The following AGBL1 variants were observed in gnomAD, a reference collection of about 807,000 sequenced individuals.
AGBL1 encodes the protein AGBL carboxypeptidase 1.
Under a neutral mutation model 118.9 loss-of-function variants are expected in AGBL1, and 130 were observed. That is an observed-to-expected ratio of 1.09 (90% confidence interval 0.95 to 1.26). The LOEUF (loss-of-function observed/expected upper bound fraction) is 1.26, where lower values mean the gene tolerates loss of function less well. AGBL1 is among the 50% of genes most tolerant of loss of function. The pLI, the probability that AGBL1 is intolerant of heterozygous loss-of-function variation, is 0.00. For synonymous variants in AGBL1, 555 were observed against 478.9 expected (o/e 1.16, Z -2.08); for missense variants, 1,584 against 1,298.1 (o/e 1.22, Z -3.38).
At chr15:86,976,140 TTTA>T (rs529508232) in intron 23 of AGBL1, among the ~76,000 whole-genome samples, 224 of 151,332 alleles carry the variant, frequency 1.5e-3, no homozygotes, top group African/African-American at 5.1e-3. Context: ...GGCTAAATCA[TTTA>T]TTATATTTTT....
intron 23 of AGBL1, among the ~76,000 whole-genome samples, chr15:86,925,920 C>T (rs55968056): frequency 0.039 from 5,940 of 151,638 alleles, 157 homozygotes; most frequent in Middle Eastern, 0.071. Flanking sequence ...TTAATAGAGA[C>T]GGGGTTTCAC....
At chr15:86,710,143 A>G (rs1363686288) in intron 22 of AGBL1, among the ~76,000 whole-genome samples, 1 of 149,098 alleles carries the variant, frequency 6.7e-6, no homozygotes, top group African/African-American at 2.5e-5. Context: ...CGCACTCATC[A>G]TCCCTTACAG....
chr15:86,816,814 T>C (rs1249299395), intron 22 of AGBL1, among the ~76,000 whole-genome samples: 1 of 152,168 alleles, frequency 6.6e-6, no homozygotes, highest in Non-Finnish European at 1.5e-5. Flanking sequence ...TTGAAAATAC[T>C]CCCTAGCTTA....
chr15:86,346,645 G>T (rs1228808603), intron 17 of AGBL1, among the ~76,000 whole-genome samples: 1 of 152,098 alleles, frequency 6.6e-6, no homozygotes, highest in East Asian at 1.9e-4. Context: ...CACCACGCCC[G>T]GCCAAGCTCA....
At chr15:86,877,744 G>A (rs1393014833) in intron 22 of AGBL1, among the ~76,000 whole-genome samples, 2 of 152,116 alleles carry the variant, frequency 1.3e-5, no homozygotes, top group African/African-American at 4.8e-5. Flanking sequence ...GACACTTACT[G>A]CTCCATAATT....
chr15:86,436,174 C>T (rs974177088), intron 18 of AGBL1, among the ~76,000 whole-genome samples: 8 of 145,444 alleles, frequency 5.5e-5, no homozygotes, highest in Non-Finnish European at 1.5e-5. Context: ...TATTGTCTTA[C>T]CGCTCTCTGT....
chr15:86,924,823 C>T (rs977087423), intron 23 of AGBL1, among the ~76,000 whole-genome samples: 1 of 152,058 alleles, frequency 6.6e-6, no homozygotes, highest in African/African-American at 2.4e-5. Flanking sequence ...CACCTGTAAT[C>T]CCAGCACTTT....
At chr15:86,469,673 G>T (rs1479610486) in intron 18 of AGBL1, among the ~76,000 whole-genome samples, 1 of 151,926 alleles carries the variant, frequency 6.6e-6, no homozygotes, top group Non-Finnish European at 1.5e-5. Context: ...CTAGGATGCC[G>T]GTACCAATTT....
chr15:86,103,740 C>T (rs1313866936), intron 1 of AGBL1, among the ~76,000 whole-genome samples: 2 of 152,200 alleles, frequency 1.3e-5, no homozygotes, highest in Non-Finnish European at 2.9e-5. Context: ...CCAGTGAAGG[C>T]AGTTGCAGGC....
chr15:86,904,206 G>C (rs2080250588), intron 22 of AGBL1, among the ~76,000 whole-genome samples: 1 of 152,134 alleles, frequency 6.6e-6, no homozygotes, highest in Non-Finnish European at 1.5e-5. Flanking sequence ...AGCTGTTCCA[G>C]CTCCAAATCT....
At chr15:87,016,732 T>A (rs912907901) in intron 24 of AGBL1, among the ~76,000 whole-genome samples, 11 of 151,810 alleles carry the variant, frequency 7.2e-5, no homozygotes, top group Admixed American at 5.2e-4. Context: ...AGGAGTGGCA[T>A]AGAGCCAAAG....
Position 86,632,559 on chromosome 15 carries a change from A to G in AGBL1, c.2995-41714A>G, listed in dbSNP as rs370258407. On this transcript the variant is annotated intron_variant, in intron 21 of 22. Transcript: ENST00000614907. ...CAGGTTGTTCAGACCTTGCTTCTGG[A>G]TGTCTCATCAAGATTCTCAGATTCT... Among the ~76,000 whole-genome samples the G allele has an allele frequency of 5.9e-5, 9 of 151,942 alleles. No homozygotes were observed. In the East Asian group the frequency reaches 1.5e-3, roughly 26 times the overall value.
chr15:86,687,120 A>G (rs757696945), intron 22 of AGBL1, among the ~76,000 whole-genome samples: 39 of 152,140 alleles, frequency 2.6e-4, no homozygotes, highest in Non-Finnish European at 5.1e-4. Context: ...AGGGAATTAG[A>G]GGTTTATTAA....
intron 18 of AGBL1, among the ~76,000 whole-genome samples, chr15:86,474,520 C>G (rs12102037): frequency 0.68 from 103,799 of 151,864 alleles, 36,660 homozygotes; most frequent in African/African-American, 0.82. Flanking sequence ...CGGCAGCAAG[C>G]CTGATGGAGG....
intron 16 of AGBL1, among the ~76,000 whole-genome samples, chr15:86,285,539 A>C (rs375410707): frequency 9.7e-4 from 147 of 152,134 alleles, no homozygotes; most frequent in African/African-American, 3.4e-3. Context: ...CCACCATGTA[A>C]GACGTGCCTT....
chr15:86,441,678 T>C (rs2082066353), intron 18 of AGBL1, among the ~76,000 whole-genome samples: 1 of 152,108 alleles, frequency 6.6e-6, no homozygotes, highest in South Asian at 2.1e-4. Context: ...TTGGAAGAGG[T>C]TGGGTAGCTT....
At chr15:86,298,257 A>ATATATATATATATGGTAAC (rs2079681299) in intron 17 of AGBL1, among the ~76,000 whole-genome samples, 1 of 94,794 alleles carries the variant, frequency 1.1e-5, no homozygotes, top group Non-Finnish European at 2.1e-5. Context: ...ATATATATAT[A>ATATATATATATATGGTAAC]TATATATATA....
intron 22 of AGBL1, among the ~76,000 whole-genome samples, chr15:86,870,267 C>T (rs769235717): frequency 6.6e-6 from 1 of 151,666 alleles, no homozygotes; most frequent in Non-Finnish European, 1.5e-5. Context: ...TATTTTTCAT[C>T]CTCAGTTTAC....
Position 86,264,489 on chromosome 15 carries a change from C to A in AGBL1, c.1318C>A (p.Gln440Lys), listed in dbSNP as rs764956966. The change falls in exon 11 of 23, where the codon CAA becomes AAA. Residue 440 changes from glutamine to lysine, a missense_variant. Coordinates refer to ENST00000614907, the MANE Select transcript of AGBL1 (RefSeq NM_001386094.1). The stretch of plus-strand genomic sequence containing the variant: ...AAAAAATCCTGGAGTGAACCTGTAC[C>A]AAAATGTGCAATCCAATAGTCTCAG... Reference protein sequence around the residue: ...SKKNPGVNLYQNVQSNSLRRD... With the variant: ...SKKNPGVNLYKNVQSNSLRRD... 4.3e-6 allele frequency: 7 copies of A among 1,613,980 alleles called. No individual in the cohort carries two copies. Among genetic ancestry groups the A allele is most frequent in the Non-Finnish European group, 5.9e-6 (7 of 1,179,888 alleles).
Sources: gnomAD v4.1 joint callset for allele counts (sites outside exome capture counted in the v4.1 genomes callset) on GRCh38, gnomAD v4.1.1 for gene constraint, MANE v1.5 for transcripts, NCBI Gene and HGNC (gene_info 2026-07-23, HGNC 2026-07-21) for gene names.